Variants in LRRC4C observed in about 807,000 individuals in gnomAD.
LRRC4C encodes the protein leucine rich repeat containing 4C.
In LRRC4C, 5 loss-of-function variants were observed where a neutral mutation model predicts 33.6. The ratio of observed to expected loss-of-function variants is 0.15; its 90% CI spans 0.08 to 0.31. The LOEUF is 0.31. Among genes scored for constraint, LRRC4C ranks in the 10% least tolerant of loss-of-function variants. The pLI is 1.00. For missense variants in LRRC4C, 560 were observed against 796.7 expected, an observed-to-expected ratio of 0.70 and a Z score of 3.58; for synonymous variants, 329 against 302.0, an observed-to-expected ratio of 1.09 and a Z score of -0.93.
chr11:41,053,215 G>A (rs1040973609), intron 1 of LRRC4C, among the ~76,000 whole-genome samples: 1 of 152,276 alleles, frequency 6.6e-6, no homozygotes, highest in Non-Finnish European at 1.5e-5. Flanking sequence ...TAAAGGTAAT[G>A]GAATGTCACT....
At chr11:41,075,806 A>G (rs1038195418) in intron 1 of LRRC4C, among the ~76,000 whole-genome samples, 4 of 152,130 alleles carry the variant, frequency 2.6e-5, no homozygotes, top group African/African-American at 9.7e-5. Context: ...CATTTCACCA[A>G]CTGCGCTGTT....
At chr11:40,287,489 A>G (rs1943924276) in intron 4 of LRRC4C, among the ~76,000 whole-genome samples, 1 of 152,156 alleles carries the variant, frequency 6.6e-6, no homozygotes, top group African/African-American at 2.4e-5. Flanking sequence ...ACTACTTGCC[A>G]GCCATTCTTC....
rs77683172 is a variant in LRRC4C at position 40,495,813 on chromosome 11, GTTTTTTTTTTTTTTT to G, written c.-270+152314_-270+152328del. Among the ~76,000 whole-genome samples, 77 of 67,012 alleles carry G rather than the reference GTTTTTTTTTTTTTTT, an allele frequency of 1.1e-3. 1 individual carries two copies. Among genetic ancestry groups the G allele is most frequent in the African/African-American group, 3.4e-3 (53 of 15,814 alleles). 44.0% of individuals were successfully genotyped at this position (67,012 alleles called of 152,430 possible). A position where few individuals can be genotyped will look rare whatever the true frequency, so the allele number is the denominator to read the frequency against. On this transcript the variant is annotated intron_variant, in intron 3 of 6. Coordinates refer to ENST00000528697, the MANE Select transcript of LRRC4C (RefSeq NM_001258419.2). ...TTTTATTGAAGTTCTCAATAAACATGTTTTTTTTTTTTTTTTTTTTTTTTTTTTTTTTTTTTGAGA... is the reference window on the plus strand; with the variant it reads ...TTTTATTGAAGTTCTCAATAAACATGTTTTTTTTTTTTTTTTTTTTTGAGA...
intron 1 of LRRC4C, among the ~76,000 whole-genome samples, chr11:41,074,536 C>A (rs1268574962): frequency 6.6e-6 from 1 of 152,176 alleles, no homozygotes; most frequent in Non-Finnish European, 1.5e-5. Context: ...TCATTTCTAG[C>A]ACTTACTCCT....
chr11:40,512,732 C>G lies in LRRC4C; in HGVS notation c.-270+135410G>C, dbSNP rs549031660. On this transcript the variant is annotated intron_variant, in intron 3 of 6. Transcript: ENST00000528697. ...AGATCAATCCTAGCCGTGCAAAATG[C>G]CACGTCTGCGAAATTCCACTGATAA... Among the ~76,000 whole-genome samples, 3 of 152,272 alleles carry G rather than the reference C, an allele frequency of 2.0e-5. No individual in the cohort carries two copies. In the South Asian group the frequency reaches 6.2e-4, roughly 32 times the overall value.
chr11:41,438,807 A>C (rs1427601457), intron 1 of LRRC4C, among the ~76,000 whole-genome samples: 1 of 152,204 alleles, frequency 6.6e-6, no homozygotes, highest in Non-Finnish European at 1.5e-5. Context: ...TTGAATGAAC[A>C]CCTGAGGATC....
chr11:40,306,399 AAATT>A (rs1222615307), intron 4 of LRRC4C, among the ~76,000 whole-genome samples: 1 of 152,134 alleles, frequency 6.6e-6, no homozygotes, highest in Non-Finnish European at 1.5e-5. Context: ...AGTGAGGTGA[AAATT>A]AGTTTCTCAT....
chr11:40,934,663 T>G (rs1341340042), intron 1 of LRRC4C, among the ~76,000 whole-genome samples: 2 of 152,196 alleles, frequency 1.3e-5, no homozygotes, highest in South Asian at 2.1e-4. Context: ...TCCTCTGAGG[T>G]TTCCTTCTAA....
rs181803930 is a variant in LRRC4C, at chr11:41,183,672, T to G, written c.-495-249949A>C. Among the ~76,000 whole-genome samples the G allele has an allele frequency of 8.1e-4, 123 of 152,332 alleles. 1 individual carries two copies. Among genetic ancestry groups the G allele is most frequent in the South Asian group, 1.7e-3 (8 of 4,822 alleles). The stretch of plus-strand genomic sequence containing the variant: ...CCAGGCACATGATGCAAGCTGTCAG[T>G]GGATCTACCATTCTGGGGTTTGGAG... On this transcript the variant is annotated intron_variant, in intron 1 of 6. Coordinates refer to ENST00000528697, the MANE Select transcript of LRRC4C (RefSeq NM_001258419.2).
At chr11:40,735,202 G>A (rs2136835545) in intron 2 of LRRC4C, among the ~76,000 whole-genome samples, 1 of 152,084 alleles carries the variant, frequency 6.6e-6, no homozygotes, top group South Asian at 2.1e-4. Context: ...GGGTACATGT[G>A]CACAATGTGC....
Position 40,540,653 on chromosome 11 carries a change from GA to G in LRRC4C, c.-270+107488del, listed in dbSNP as rs370516508. Among the ~76,000 whole-genome samples, 11 of 150,498 alleles carry G rather than the reference GA, an allele frequency of 7.3e-5. No individual in the cohort carries two copies. In the South Asian group the frequency reaches 8.4e-4, roughly 11 times the overall value. Reference sequence around the variant, plus strand: ...GACAATTTCAGTCCTTACTATTTAGGAAAAAAAAATATCAAGTATATGTAGA... The same window carrying G: ...GACAATTTCAGTCCTTACTATTTAGGAAAAAAAATATCAAGTATATGTAGA... On this transcript the variant is annotated intron_variant, in intron 3 of 6. Transcript: ENST00000528697.
chr11:40,672,193 T>A (rs1407878778), intron 2 of LRRC4C, among the ~76,000 whole-genome samples: 1 of 152,132 alleles, frequency 6.6e-6, no homozygotes, highest in East Asian at 1.9e-4. Flanking sequence ...AGGGCCAGAT[T>A]TCTAGGTGTG....
chr11:40,758,921 T>C (rs1354543789), intron 2 of LRRC4C, among the ~76,000 whole-genome samples: 1 of 151,720 alleles, frequency 6.6e-6, no homozygotes, highest in Admixed American at 6.6e-5. Context: ...CAGAAAGAAA[T>C]TACAGGCTCA....
chr11:40,963,498 G>C (rs1191420147), intron 1 of LRRC4C, among the ~76,000 whole-genome samples: 1 of 151,712 alleles, frequency 6.6e-6, no homozygotes, highest in East Asian at 1.9e-4. Context: ...TAGAGGAGAT[G>C]AGCTTTGAAT....
intron 2 of LRRC4C, among the ~76,000 whole-genome samples, chr11:40,933,052 A>T (rs936666146): frequency 1.3e-5 from 2 of 152,202 alleles, no homozygotes; most frequent in African/African-American, 4.8e-5. Context: ...GGTTGGAGAG[A>T]ACTCAGTGAC....
chr11:40,538,791 C>T (rs932435762), intron 3 of LRRC4C, among the ~76,000 whole-genome samples: 1 of 152,144 alleles, frequency 6.6e-6, no homozygotes, highest in Non-Finnish European at 1.5e-5. Flanking sequence ...TTCTCCACGT[C>T]CTCTGCAGCA....
chr11:41,259,219 A>AT (rs1198573491), intron 1 of LRRC4C, among the ~76,000 whole-genome samples: 2 of 151,904 alleles, frequency 1.3e-5, no homozygotes, highest in Non-Finnish European at 2.9e-5. Context: ...TTGATCACAG[A>AT]TTCTTCTTCT....
intron 1 of LRRC4C, among the ~76,000 whole-genome samples, chr11:41,425,067 G>T (rs1954994469): frequency 1.3e-5 from 2 of 151,970 alleles, no homozygotes; most frequent in African/African-American, 4.8e-5. Context: ...ATTTTCACTG[G>T]CTGTTTCAGG....
chr11:40,379,455 CAT>C (rs1948781384), intron 3 of LRRC4C, among the ~76,000 whole-genome samples: 1 of 152,028 alleles, frequency 6.6e-6, no homozygotes, highest in South Asian at 2.1e-4. Context: ...TTAGTTTTTG[CAT>C]TTTTGATAAA....
Sources: gnomAD v4.1 joint callset for allele counts (sites outside exome capture counted in the v4.1 genomes callset) on GRCh38, gnomAD v4.1.1 for gene constraint, MANE v1.5 for transcripts, NCBI Gene and HGNC (gene_info 2026-07-23, HGNC 2026-07-21) for gene names.